Variants in NBAS observed in about 807,000 individuals in gnomAD.
NBAS encodes the protein NBAS subunit of NRZ tethering complex.
In NBAS, 219 loss-of-function variants were observed where a neutral mutation model predicts 302.5. The ratio of observed to expected loss-of-function variants is 0.72; its 90% CI spans 0.65 to 0.81. NBAS has a LOEUF of 0.81. Ranked by LOEUF, NBAS falls within the 30% of genes least tolerant of loss-of-function variation. The probability of loss-of-function intolerance (pLI) is 0.00; values close to 1 mark genes in which losing one functional copy is unlikely to be tolerated. For synonymous variants in NBAS, 1,118 were observed against 1,021.6 expected, an observed-to-expected ratio of 1.09 and a Z score of -1.80; for missense variants, 2,932 against 2,841.6, an observed-to-expected ratio of 1.03 and a Z score of -0.72.
chr2:15,401,139 T>TA lies in NBAS; in HGVS notation c.3071+1028dup, dbSNP rs371967680. The stretch of plus-strand genomic sequence containing the variant: ...GCAGTTAGAGCCCAACTTTGAAACT[T>TA]AAAAAAAAAAAGTCACTAGGGTAAT... On this transcript the variant is annotated intron_variant, in intron 26 of 51. Transcript: ENST00000281513. Among the ~76,000 whole-genome samples the TA allele has an allele frequency of 7.4e-3, 1,083 of 146,550 alleles. 40 individuals carry two copies. The highest frequency in any genetic ancestry group is 0.06 in the Admixed American group (888 of 14,792).
chr2:15,106,377 T>C, the NBAS span, among the ~76,000 whole-genome samples: 1 of 152,122 alleles, frequency 6.6e-6, no homozygotes, highest in Non-Finnish European at 1.5e-5. Flanking sequence ...ACAAGTGCTT[T>C]ATCTATTAAT....
intron 38 of NBAS, among the ~76,000 whole-genome samples, chr2:15,323,565 T>G (rs189572415): frequency 9.9e-5 from 15 of 152,232 alleles, no homozygotes; most frequent in African/African-American, 3.4e-4. Flanking sequence ...AGAAAAAACT[T>G]GATGTATGAG....
chr2:15,476,221 G>A (rs1680186487), intron 13 of NBAS, among the ~76,000 whole-genome samples: 1 of 152,122 alleles, frequency 6.6e-6, no homozygotes. Context: ...AAAGGCAGGT[G>A]TCTACCAGGT....
chr2:15,014,901 G>GA, the NBAS span, among the ~76,000 whole-genome samples: 3 of 151,628 alleles, frequency 2.0e-5, no homozygotes, highest in Non-Finnish European at 2.9e-5. Context: ...GCTAGACTAA[G>GA]AAAAAATAGA....
the NBAS span, among the ~76,000 whole-genome samples, chr2:14,857,570 G>T: frequency 6.6e-6 from 1 of 152,020 alleles, no homozygotes; most frequent in Non-Finnish European, 1.5e-5. Flanking sequence ...GCATACATTG[G>T]GGAAAGGACA....
At chr2:15,409,136 C>T (rs1676561990) in intron 25 of NBAS, among the ~76,000 whole-genome samples, 1 of 152,144 alleles carries the variant, frequency 6.6e-6, no homozygotes, top group African/African-American at 2.4e-5. Context: ...TGCTGGTATC[C>T]ATTGTTCTTA....
At chr2:15,188,232 C>T (rs73194931) in intron 49 of NBAS, among the ~76,000 whole-genome samples, 2,338 of 152,304 alleles carry the variant, frequency 0.015, 53 homozygotes, top group African/African-American at 0.053. Flanking sequence ...CTACAAGGAA[C>T]TAAAGCTAAA....
the NBAS span, among the ~76,000 whole-genome samples, chr2:14,816,764 A>G: frequency 6.6e-6 from 1 of 152,190 alleles, no homozygotes; most frequent in African/African-American, 2.4e-5. Context: ...CCTACTGTAC[A>G]TTCTTTGGGA....
chr2:15,451,130 T>C (rs1010901476), intron 21 of NBAS, among the ~76,000 whole-genome samples: 1 of 152,162 alleles, frequency 6.6e-6, no homozygotes, highest in African/African-American at 2.4e-5. Flanking sequence ...CAGCTGACTG[T>C]AACCTTGAAA....
At chr2:15,355,035 C>T (rs1259656916) in intron 33 of NBAS, among the ~76,000 whole-genome samples, 1 of 152,182 alleles carries the variant, frequency 6.6e-6, no homozygotes, top group African/African-American at 2.4e-5. Context: ...TGAGTCCAAT[C>T]TCTCTCCCCT....
At chr2:15,079,322 T>C in the NBAS span, among the ~76,000 whole-genome samples, 1 of 152,090 alleles carries the variant, frequency 6.6e-6, no homozygotes, top group Non-Finnish European at 1.5e-5. Context: ...TCAGCCTCAG[T>C]TTCACCACCT....
the NBAS span, among the ~76,000 whole-genome samples, chr2:14,784,164 GGTT>G: frequency 6.6e-6 from 1 of 152,014 alleles, no homozygotes; most frequent in African/African-American, 2.4e-5. Context: ...TTTTTGATGG[GGTT>G]GTTTTTTTCT....
At chr2:15,229,235 G>A (rs924990456) in intron 47 of NBAS, among the ~76,000 whole-genome samples, 2 of 150,770 alleles carry the variant, frequency 1.3e-5, no homozygotes, top group African/African-American at 2.4e-5. Context: ...CCGGCTACTC[G>A]GGAGGCTGAG....
intron 48 of NBAS, among the ~76,000 whole-genome samples, chr2:15,197,358 A>G (rs1356304907): frequency 6.6e-6 from 1 of 152,146 alleles, no homozygotes; most frequent in African/African-American, 2.4e-5. Context: ...TACAATACCT[A>G]TGTAACCTGG....
chr2:15,193,637 C>A lies in NBAS; in HGVS notation c.6433-3234G>T, dbSNP rs181408984. ...TTTGAATTTTTGAGAAGAAAATGGG[C>A]CTAAAATTAGACTTGAGCATATACT... On this transcript the variant is annotated intron_variant, in intron 48 of 51. Coordinates refer to ENST00000281513, the MANE Select transcript of NBAS (RefSeq NM_015909.4). Among the ~76,000 whole-genome samples the A allele has an allele frequency of 2.0e-5, 3 of 151,706 alleles. No homozygotes were observed. The South Asian group carries it at 6.3e-4, about 32-fold the overall frequency.
chr2:14,905,465 C>T, the NBAS span, among the ~76,000 whole-genome samples: 1 of 152,130 alleles, frequency 6.6e-6, no homozygotes, highest in Non-Finnish European at 1.5e-5. Flanking sequence ...CTGTCCCGCT[C>T]GGTGGCTGCG....
intron 2 of NBAS, 115 bp downstream of exon 2, chr2:15,558,465 T>C: frequency 1.4e-6 from 1 of 706,762 alleles, no homozygotes; most frequent in South Asian, 1.8e-5. Flanking sequence ...TAAATATATA[T>C]ATAATTAAAC....
intron 42 of NBAS, among the ~76,000 whole-genome samples, chr2:15,281,490 T>C (rs1669823474): frequency 6.6e-6 from 1 of 152,210 alleles, no homozygotes; most frequent in Non-Finnish European, 1.5e-5. Flanking sequence ...GCCAGGGCCA[T>C]GTGATGGGTC....
At chr2:15,314,845 T>C (rs1283084830) in intron 38 of NBAS, among the ~76,000 whole-genome samples, 2 of 152,132 alleles carry the variant, frequency 1.3e-5, no homozygotes, top group East Asian at 3.8e-4. Context: ...ACTCAATAAT[T>C]TAAAACAAAA....
Sources: gnomAD v4.1 joint callset for allele counts (sites outside exome capture counted in the v4.1 genomes callset) on GRCh38, gnomAD v4.1.1 for gene constraint, MANE v1.5 for transcripts, NCBI Gene and HGNC (gene_info 2026-07-23, HGNC 2026-07-21) for gene names.